CCDC91: variants seen among roughly 807,000 people sequenced by gnomAD.
CCDC91 encodes the protein coiled-coil domain-containing protein 91.
Under a neutral mutation model 63.2 loss-of-function variants are expected in CCDC91, and 48 were observed. The ratio of observed to expected loss-of-function variants is 0.76; its 90% CI spans 0.60 to 0.97. The LOEUF (loss-of-function observed/expected upper bound fraction) is 0.97, where lower values mean the gene tolerates loss of function less well. CCDC91 is among the 50% of genes least tolerant of loss of function. The probability of loss-of-function intolerance (pLI) is 0.00; values close to 1 mark genes in which losing one functional copy is unlikely to be tolerated. For synonymous variants in CCDC91, 167 were observed against 165.8 expected, an observed-to-expected ratio of 1.01 and a Z score of -0.06; for missense variants, 500 against 494.6, an observed-to-expected ratio of 1.01 and a Z score of -0.10.
intron 6 of CCDC91, among the ~76,000 whole-genome samples, chr12:28,335,969 A>AT (rs1378951809): frequency 1.3e-5 from 2 of 151,492 alleles, no homozygotes; most frequent in African/African-American, 4.9e-5. Flanking sequence ...AAACCACACA[A>AT]TTTTTTATCT....
chr12:28,433,628 C>A (rs1359122544), intron 8 of CCDC91, among the ~76,000 whole-genome samples: 1 of 151,880 alleles, frequency 6.6e-6, no homozygotes, highest in African/African-American at 2.4e-5. Context: ...AGTACTGAAG[C>A]CAGGTAATGT....
intron 6 of CCDC91, among the ~76,000 whole-genome samples, chr12:28,351,869 A>G (rs537954841): frequency 6.6e-6 from 1 of 151,970 alleles, no homozygotes; most frequent in South Asian, 2.1e-4. Flanking sequence ...TTAGTACACC[A>G]TTTTCAAAAA....
At chr12:28,285,643 A>G (rs956701724) in intron 3 of CCDC91, among the ~76,000 whole-genome samples, 1 of 109,466 alleles carries the variant, frequency 9.1e-6, no homozygotes, top group Non-Finnish European at 2.0e-5. Flanking sequence ...TAATACTTAG[A>G]TGAACCCTGC....
intron 12 of CCDC91, among the ~76,000 whole-genome samples, chr12:28,516,359 T>G (rs1185654836): frequency 1.3e-5 from 2 of 151,926 alleles, no homozygotes; most frequent in African/African-American, 4.8e-5. Context: ...TCCCAGCACT[T>G]TGGGAGGCTG....
intron 7 of CCDC91, among the ~76,000 whole-genome samples, chr12:28,364,549 T>C (rs1356991655): frequency 6.6e-6 from 1 of 152,234 alleles, no homozygotes; most frequent in Admixed American, 6.5e-5. Context: ...TGTCAACTTA[T>C]TTTATCCCTA....
At chr12:28,190,860 T>C (rs1941161030) in intron 1 of CCDC91, 1 of 152,226 alleles carries the variant, frequency 6.6e-6, no homozygotes. Flanking sequence ...GAGTGCCCAC[T>C]CGTTCCTGCG....
chr12:28,346,032 TG>T (rs999285327), intron 6 of CCDC91, among the ~76,000 whole-genome samples: 2 of 152,204 alleles, frequency 1.3e-5, no homozygotes, highest in African/African-American at 2.4e-5. Context: ...AATTTTTTTT[TG>T]GCTAATTTTT....
chr12:28,288,066 A>G (rs1423288398), intron 3 of CCDC91, among the ~76,000 whole-genome samples: 1 of 152,210 alleles, frequency 6.6e-6, no homozygotes, highest in Non-Finnish European at 1.5e-5. Flanking sequence ...GTATCCCAAG[A>G]CTTCACTGAA....
intron 6 of CCDC91, among the ~76,000 whole-genome samples, chr12:28,345,928 TATTATG>T (rs1235248265): frequency 6.6e-6 from 1 of 152,188 alleles, no homozygotes; most frequent in African/African-American, 2.4e-5. Flanking sequence ...TTATATCACA[TATTATG>T]ATTAATTTTT....
chr12:28,439,345 A>G (rs773215518), intron 8 of CCDC91, among the ~76,000 whole-genome samples: 2 of 150,852 alleles, frequency 1.3e-5, no homozygotes, highest in African/African-American at 2.5e-5. Flanking sequence ...TCCGTGAATC[A>G]TTTTATTTTA....
intron 1 of CCDC91, among the ~76,000 whole-genome samples, chr12:28,207,531 C>T (rs139939597): frequency 2.6e-5 from 4 of 152,180 alleles, no homozygotes; most frequent in Non-Finnish European, 4.4e-5. Context: ...AAGATCAGTC[C>T]TCTTGCATGG....
At chr12:28,444,783 C>T (rs1221383083) in intron 8 of CCDC91, among the ~76,000 whole-genome samples, 1 of 152,060 alleles carries the variant, frequency 6.6e-6, no homozygotes, top group Non-Finnish European at 1.5e-5. Flanking sequence ...CAACGTGACA[C>T]AAGTTCAACT....
At chr12:28,516,860 A>G (rs188222351) in intron 12 of CCDC91, among the ~76,000 whole-genome samples, 36 of 151,854 alleles carry the variant, frequency 2.4e-4, no homozygotes, top group East Asian at 2.3e-3. Flanking sequence ...CATGATAATC[A>G]CCTCTTAAAG....
At chr12:28,202,817 T>C (rs1224920496) in intron 1 of CCDC91, among the ~76,000 whole-genome samples, 1 of 152,246 alleles carries the variant, frequency 6.6e-6, no homozygotes, top group Admixed American at 6.5e-5. Context: ...GACATTTCAT[T>C]ACCTAGCTTT....
At chr12:28,269,267 G>A (rs2136343292) in intron 3 of CCDC91, among the ~76,000 whole-genome samples, 1 of 151,906 alleles carries the variant, frequency 6.6e-6, no homozygotes, top group South Asian at 2.1e-4. Context: ...TGTATTTGTG[G>A]TACTTCCTCT....
At chr12:28,504,952 A>G (rs12317472) in intron 12 of CCDC91, among the ~76,000 whole-genome samples, 5,256 of 152,074 alleles carry the variant, frequency 0.035, 288 homozygotes, top group African/African-American at 0.11. Flanking sequence ...GCACTTACAG[A>G]AAAACCTAAA....
chr12:28,259,307 T>C, intron 2 of CCDC91, 57 bp from the exon 3 acceptor site: 1 of 1,293,152 alleles, frequency 7.7e-7, no homozygotes, highest in Non-Finnish European at 1.1e-6. Flanking sequence ...GCTTGATCAC[T>C]TAAATAGCAT....
chr12:28,356,164 A>G (rs1565848016), intron 6 of CCDC91, among the ~76,000 whole-genome samples: 1 of 152,100 alleles, frequency 6.6e-6, no homozygotes, highest in East Asian at 1.9e-4. Flanking sequence ...GTAGAGGTGG[A>G]GACTAAACAT....
At chr12:28,339,899 C>G (rs1942288984) in intron 6 of CCDC91, among the ~76,000 whole-genome samples, 1 of 152,130 alleles carries the variant, frequency 6.6e-6, no homozygotes, top group Non-Finnish European at 1.5e-5. Flanking sequence ...CAAGGATAAA[C>G]ACAGTACTTA....
Sources: allele counts gnomAD v4.1 joint callset (sites outside exome capture counted in the v4.1 genomes callset), GRCh38; gene constraint gnomAD v4.1.1; transcripts MANE v1.5; gene names NCBI Gene and HGNC (gene_info 2026-07-23, HGNC 2026-07-21).